RBM10: variants seen among roughly 807,000 people sequenced by gnomAD.
The protein encoded by RBM10 is RNA-binding protein 10.
RBM10 carries 1 observed loss-of-function variant against 84.9 expected under a neutral mutation model. The observed-to-expected ratio is 0.01, with a 90% CI of 0.00 to 0.06. The LOEUF is 0.06. Ranked by LOEUF, RBM10 falls within the 10% of genes least tolerant of loss-of-function variation. The pLI is 1.00. For missense variants in RBM10, 438 were observed against 839.0 expected, an observed-to-expected ratio of 0.52 and a Z score of 5.90; for synonymous variants, 326 against 344.5, an observed-to-expected ratio of 0.95 and a Z score of 0.60.
chrX:47,164,521 C>CAA (rs201448853), intron 2 of RBM10, among the ~76,000 whole-genome samples: 14 of 69,283 alleles, frequency 2.0e-4, no homozygotes, highest in Admixed American at 6.8e-4. Context: ...TACTCCATCT[C>CAA]AAAAAAAAAA....
intron 2 of RBM10, chrX:47,158,250 G>T: frequency 6.2e-6 from 1 of 160,960 alleles, no homozygotes; most frequent in South Asian, 1.1e-4. Context: ...CCCATAGGCT[G>T]AGTCTGTTGG....
chrX:47,145,621 GTTTTTTTTTTTTTGGTT>G (rs1334662764), intron 1 of RBM10, 136 bp downstream of exon 1: 22 of 186,654 alleles, frequency 1.2e-4, no homozygotes, highest in Admixed American at 5.8e-4. Context: ...ACCCGGGAGG[GTTTTTTTTTTTTTGGTT>G]TTTTTTTTTT....
At chrX:47,146,926 G>A (rs1177790636) in intron 1 of RBM10, among the ~76,000 whole-genome samples, 1 of 111,433 alleles carries the variant, frequency 9.0e-6, no homozygotes, top group East Asian at 2.8e-4. Flanking sequence ...CCTGTGGAAG[G>A]AGCCTGGGGC....
chrX:47,164,118 A>C (rs1162771659), intron 2 of RBM10, among the ~76,000 whole-genome samples: 5 of 108,295 alleles, frequency 4.6e-5, no homozygotes, highest in Non-Finnish European at 7.7e-5. Context: ...ATCTGCCCAC[A>C]TTGGCCTCCC....
intron 2 of RBM10, among the ~76,000 whole-genome samples, chrX:47,162,657 T>C (rs1933816533): frequency 9.1e-6 from 1 of 109,510 alleles, no homozygotes. Flanking sequence ...GGGCGGATCG[T>C]GAAGTCAGGA....
rs1932010475 is a variant in RBM10 at position 47,145,291 on chromosome X, G to A, written c.-320G>A. 1 of 585,117 alleles carries A rather than the reference G, an allele frequency of 1.7e-6. No individual in the cohort carries two copies. Among genetic ancestry groups the A allele is most frequent in the Middle Eastern group, 4.4e-4 (1 of 2,292 alleles). 48.2% of individuals were successfully genotyped at this position (585,117 alleles called of 1,213,427 possible). A position where few individuals can be genotyped will look rare whatever the true frequency, so the allele number is the denominator to read the frequency against. ...CCATTTTGAGCTGGTGACTGTGGCC[G>A]GCTGGGAGTAGGCGGCAGTGAGTTT... On this transcript the variant is annotated 5_prime_UTR_variant, in exon 1 of 24. Transcript: ENST00000377604.
Position 47,145,352 on chromosome X carries a change from C to G in RBM10, c.-259C>G. 1 of 953,334 alleles carries G rather than the reference C, an allele frequency of 1.0e-6. No homozygotes were observed. The highest frequency in any genetic ancestry group is 1.5e-6 in the Non-Finnish European group (1 of 688,694). 78.6% of individuals were successfully genotyped at this position (953,334 alleles called of 1,213,427 possible). A position where few individuals can be genotyped will look rare whatever the true frequency, so the allele number is the denominator to read the frequency against. On this transcript the variant is annotated 5_prime_UTR_variant, in exon 1 of 24. Transcript: ENST00000377604. ...GCAGCGCGCTTGGCGCTTCTCCCCT[C>G]CCCCCGATCTGCCTCCAGTCTCGGA...
At position 47,185,580 on chromosome X, in the gene RBM10, C is replaced by G. The variant is rs2147217392; in HGVS notation, c.2305C>G (p.Pro769Ala). 8.3e-7 allele frequency: 1 copy of G among 1,204,135 alleles called. No individual in the cohort carries two copies. The highest frequency in any genetic ancestry group is 1.1e-6 in the Non-Finnish European group (1 of 891,517). ...LACLLCRRQF[P>A]SKEALIRHQQ... ...CTGTCTGCTCTGCCGACGCCAGTTC[C>G]CCAGCAAAGAGGCGCTCATCCGGCA... The change falls in exon 20 of 24, where the codon CCC becomes GCC. Residue 769 changes from proline (P) to alanine (A), a missense_variant. Pro to Ala is a conservative substitution (Grantham distance 27). This residue lies in a region of RBM10 where 92 missense variants were observed against 199.9 expected (regional missense o/e 0.46). Transcript: ENST00000377604.
At position 47,186,627 on chromosome X, in the gene RBM10, G is replaced by C; in HGVS notation, c.*28G>C. 1 of 1,210,514 alleles carries C rather than the reference G, an allele frequency of 8.3e-7. No individual in the cohort carries two copies. ...AGCTTCAAGAGCAACTTCTCCACATGTTGGGTGTCCATCCTGGGGCAGGGA... is the reference window on the plus strand; with the variant it reads ...AGCTTCAAGAGCAACTTCTCCACATCTTGGGTGTCCATCCTGGGGCAGGGA... On this transcript the variant is annotated 3_prime_UTR_variant, in exon 24 of 24. Coordinates refer to ENST00000377604, the MANE Select transcript of RBM10 (RefSeq NM_005676.5).
At chrX:47,164,115 C>A in intron 2 of RBM10, among the ~76,000 whole-genome samples, 1 of 109,923 alleles carries the variant, frequency 9.1e-6, no homozygotes, top group South Asian at 3.8e-4. Context: ...GCGATCTGCC[C>A]ACATTGGCCT....
intron 1 of RBM10, among the ~76,000 whole-genome samples, chrX:47,146,231 G>A (rs1556762038): frequency 9.0e-6 from 1 of 110,843 alleles, no homozygotes; most frequent in East Asian, 2.8e-4. Context: ...GGCTGTGGTG[G>A]ATGTTACTGT....
At chrX:47,149,543 A>C (rs1932619125) in intron 2 of RBM10, among the ~76,000 whole-genome samples, 1 of 106,182 alleles carries the variant, frequency 9.4e-6, no homozygotes, top group Non-Finnish European at 1.9e-5. Flanking sequence ...TATTTTTAGT[A>C]GAGATGGGGT....
chrX:47,157,900 C>T (rs782556117), intron 2 of RBM10: 32 of 275,674 alleles, frequency 1.2e-4, no homozygotes, highest in Non-Finnish European at 1.6e-4. Flanking sequence ...CTCCCTCAGC[C>T]TCCCGAGTAG....
At chrX:47,160,959 A>G (rs1345955174) in intron 2 of RBM10, among the ~76,000 whole-genome samples, 2 of 108,831 alleles carry the variant, frequency 1.8e-5, no homozygotes, top group African/African-American at 6.7e-5. Flanking sequence ...TATTTAATTA[A>G]TTTTTTTTTT....
At chrX:47,148,964 CAT>C (rs1556762811) in intron 2 of RBM10, among the ~76,000 whole-genome samples, 2 of 105,122 alleles carry the variant, frequency 1.9e-5, no homozygotes, top group South Asian at 8.6e-4. Context: ...GAAAATGTAT[CAT>C]AGATTTATCA....
At chrX:47,150,576 T>G (rs1202360682) in intron 2 of RBM10, among the ~76,000 whole-genome samples, 3 of 111,919 alleles carry the variant, frequency 2.7e-5, no homozygotes, top group African/African-American at 9.8e-5. Flanking sequence ...TAGTAGGCAG[T>G]TTTTCCAGTA....
rs2147193318 is a variant in RBM10 at position 47,181,844 on chromosome X, C to G, written c.1671C>G (p.Ala557=). The part of the protein sequence containing the change: ...SALPPATSPT[A]QESYSQYPVP... ...TCCCACCGGCTACCAGCCCCACTGC[C>G]CAGGAATCCTACAGCCAGTACCGTG... Residue 557 remains alanine, a synonymous_variant, in exon 15 of 24, where the codon GCC becomes GCG. Transcript: ENST00000377604. 8.3e-7 allele frequency: 1 copy of G among 1,211,798 alleles called. No individual in the cohort carries two copies. The highest frequency in any genetic ancestry group is 1.8e-5 in the South Asian group (1 of 57,013).
chrX:47,169,212 C>T, intron 2 of RBM10, 103 bp from the exon 3 acceptor site: 1 of 791,269 alleles, frequency 1.3e-6, no homozygotes, highest in Non-Finnish European at 1.8e-6. Flanking sequence ...TTGTATGCTC[C>T]TCCAAAAAAA....
At chrX:47,181,102 T>C in intron 12 of RBM10, 113 bp from the exon 13 acceptor site, 1 of 516,597 alleles carries the variant, frequency 1.9e-6, no homozygotes. Context: ...GCATGCTTTG[T>C]CTGTCAGGTA....
Sources: allele counts gnomAD v4.1 joint callset (sites outside exome capture counted in the v4.1 genomes callset), GRCh38; gene constraint gnomAD v4.1.1; regional missense constraint gnomAD v4.1.1; transcripts MANE v1.5; gene names NCBI Gene and HGNC (gene_info 2026-07-23, HGNC 2026-07-21).